Variants in CTNNA3 observed in about 807,000 individuals in gnomAD.
CTNNA3 encodes catenin alpha-3.
In CTNNA3, 76 loss-of-function variants were observed where a neutral mutation model predicts 95.7. That is an observed-to-expected ratio of 0.79 (90% CI 0.66 to 0.96). The LOEUF (loss-of-function observed/expected upper bound fraction) is 0.96. Ranked by LOEUF, CTNNA3 falls within the 40% of genes least tolerant of loss-of-function variation. The probability of loss-of-function intolerance (pLI) is 0.00; values close to 1 mark genes in which losing one functional copy is unlikely to be tolerated. For synonymous variants in CTNNA3, 431 were observed against 374.4 expected, an observed-to-expected ratio of 1.15 and a Z score of -1.74; for missense variants, 1,191 against 1,089.8, an observed-to-expected ratio of 1.09 and a Z score of -1.31.
intron 5 of CTNNA3, among the ~76,000 whole-genome samples, chr10:67,482,799 G>C (rs1848287795): frequency 6.6e-6 from 1 of 152,094 alleles, no homozygotes; most frequent in African/African-American, 2.4e-5. Flanking sequence ...AATAGAAGTG[G>C]TGAGAGAGGG....
intron 7 of CTNNA3, 35 bp downstream of exon 7, chr10:67,180,282 G>C (rs377250125): frequency 2.6e-5 from 41 of 1,553,358 alleles, no homozygotes; most frequent in Non-Finnish European, 3.3e-5. Flanking sequence ...CAAGGGAAGA[G>C]GGGCTAGGGA....
intron 3 of CTNNA3, among the ~76,000 whole-genome samples, chr10:67,580,154 C>T (rs932800618): frequency 2.0e-4 from 30 of 152,194 alleles, no homozygotes; most frequent in African/African-American, 7.0e-4. Flanking sequence ...AATGGTACTG[C>T]CTAGGTTTTC....
At chr10:67,191,120 C>G (rs983043860) in intron 6 of CTNNA3, among the ~76,000 whole-genome samples, 20 of 152,032 alleles carry the variant, frequency 1.3e-4, no homozygotes, top group South Asian at 4.1e-4. Flanking sequence ...AATAAAAACT[C>G]TAATTCACTG....
At chr10:66,670,055 G>C (rs1846603477) in intron 9 of CTNNA3, among the ~76,000 whole-genome samples, 1 of 152,114 alleles carries the variant, frequency 6.6e-6, no homozygotes, top group Non-Finnish European at 1.5e-5. Flanking sequence ...TCATGGTATA[G>C]AAATCTCCCT....
chr10:67,475,869 G>A (rs1004461563), intron 5 of CTNNA3, among the ~76,000 whole-genome samples: 13 of 152,078 alleles, frequency 8.5e-5, no homozygotes, highest in Admixed American at 4.6e-4. Context: ...AATCACTATC[G>A]TTTCTTTAGA....
chr10:67,510,201 A>T (rs1839569000), intron 5 of CTNNA3, among the ~76,000 whole-genome samples: 1 of 151,988 alleles, frequency 6.6e-6, no homozygotes, highest in Non-Finnish European at 1.5e-5. Context: ...ATTAGATCCC[A>T]TTTGTCTATC....
chr10:66,620,761 C>T (rs752985051), intron 10 of CTNNA3, among the ~76,000 whole-genome samples: 2 of 152,132 alleles, frequency 1.3e-5, no homozygotes, highest in Non-Finnish European at 2.9e-5. Context: ...GAAGCAGTTT[C>T]CTTCACAGTT....
At chr10:67,337,587 G>A (rs996034200) in intron 5 of CTNNA3, among the ~76,000 whole-genome samples, 2 of 152,182 alleles carry the variant, frequency 1.3e-5, no homozygotes, top group Non-Finnish European at 2.9e-5. Context: ...TGGGTAAAAT[G>A]CTATCAAACA....
At chr10:66,546,617 C>A (rs1339928319) in intron 10 of CTNNA3, among the ~76,000 whole-genome samples, 1 of 152,124 alleles carries the variant, frequency 6.6e-6, no homozygotes, top group African/African-American at 2.4e-5. Flanking sequence ...CTTCACAAGG[C>A]ATCAGGCGGT....
At chr10:66,230,760 G>A (rs1249317089) in intron 13 of CTNNA3, among the ~76,000 whole-genome samples, 1 of 152,144 alleles carries the variant, frequency 6.6e-6, no homozygotes, top group Admixed American at 6.5e-5. Flanking sequence ...GGTGGCTCTT[G>A]GATTCTGGGG....
chr10:67,677,817 T>A (rs896754311), intron 1 of CTNNA3, among the ~76,000 whole-genome samples: 1 of 152,074 alleles, frequency 6.6e-6, no homozygotes, highest in African/African-American at 2.4e-5. Flanking sequence ...GACAGAAGGG[T>A]GCTCTGGAGA....
intron 11 of CTNNA3, among the ~76,000 whole-genome samples, chr10:66,416,103 G>C (rs1483340856): frequency 5.6e-5 from 8 of 142,718 alleles, no homozygotes; most frequent in African/African-American, 1.6e-4. Context: ...ATGTAACAAA[G>C]TGATAGATAA....
At chr10:66,744,491 T>G (rs1403568860) in intron 9 of CTNNA3, among the ~76,000 whole-genome samples, 2 of 152,164 alleles carry the variant, frequency 1.3e-5, no homozygotes, top group Non-Finnish European at 2.9e-5. Context: ...GGTTAGGACA[T>G]TGGGGTTGTC....
chr10:67,631,631 A>G (rs1589510732), intron 2 of CTNNA3, among the ~76,000 whole-genome samples: 1 of 152,176 alleles, frequency 6.6e-6, no homozygotes, highest in East Asian at 1.9e-4. Flanking sequence ...TTCTTTTGGA[A>G]TGTTTTCCAG....
chr10:67,664,959 A>G (rs1322095131), intron 1 of CTNNA3, among the ~76,000 whole-genome samples: 1 of 152,228 alleles, frequency 6.6e-6, no homozygotes, highest in Non-Finnish European at 1.5e-5. Flanking sequence ...AAAAGCCCAT[A>G]ACTTTTAATT....
intron 10 of CTNNA3, among the ~76,000 whole-genome samples, chr10:66,570,539 G>A (rs997990038): frequency 2.0e-5 from 3 of 151,808 alleles, no homozygotes; most frequent in Non-Finnish European, 4.4e-5. Flanking sequence ...CACCCACCTC[G>A]GCCTCCCAAG....
chr10:66,705,704 C>T (rs938397738), intron 9 of CTNNA3, among the ~76,000 whole-genome samples: 2 of 151,986 alleles, frequency 1.3e-5, no homozygotes, highest in African/African-American at 4.8e-5. Context: ...AAATTATCTT[C>T]TTTTATTCTA....
chr10:67,580,526 G>C (rs1842349210), intron 3 of CTNNA3, among the ~76,000 whole-genome samples: 1 of 151,732 alleles, frequency 6.6e-6, no homozygotes, highest in Non-Finnish European at 1.5e-5. Flanking sequence ...GCTTAGGATT[G>C]TCTTGGCGAT....
At chr10:66,135,858 C>T (rs2083316634) in intron 13 of CTNNA3, among the ~76,000 whole-genome samples, 2 of 151,768 alleles carry the variant, frequency 1.3e-5, no homozygotes, top group African/African-American at 4.8e-5. Context: ...GGGCAAAATG[C>T]TTATATAATA....
Sources: allele counts gnomAD v4.1 joint callset (sites outside exome capture counted in the v4.1 genomes callset), GRCh38; gene constraint gnomAD v4.1.1; transcripts MANE v1.5; gene names NCBI Gene and HGNC (gene_info 2026-07-23, HGNC 2026-07-21).